ZNF273: variants seen among roughly 807,000 people sequenced by gnomAD.
ZNF273 encodes the protein zinc finger protein 273, also known as zinc finger protein 9.
Under a neutral mutation model 14.9 loss-of-function variants are expected in ZNF273, and 11 were observed. The ratio of observed to expected loss-of-function variants is 0.74; its 90% CI spans 0.46 to 1.22. The LOEUF is 1.22. Among genes scored for constraint, ZNF273 ranks in the 50% most tolerant of loss-of-function variants. The probability of loss-of-function intolerance (pLI) is 0.00; values close to 1 mark genes in which losing one functional copy is unlikely to be tolerated. For synonymous variants in ZNF273, 199 were observed against 223.9 expected (o/e 0.89, Z 0.99); for missense variants, 577 against 660.6 (o/e 0.87, Z 1.39).
chr7:64,893,032 C>G (rs1339822866), downstream of ZNF273, among the ~76,000 whole-genome samples: 1 of 152,174 alleles, frequency 6.6e-6, no homozygotes, highest in Non-Finnish European at 1.5e-5. Context: ...GGCACAGCTG[C>G]CGGCATTCAC....
intron 1 of ZNF273, among the ~76,000 whole-genome samples, chr7:64,887,946 G>A (rs533248235): frequency 1.3e-5 from 2 of 152,192 alleles, no homozygotes; most frequent in South Asian, 4.2e-4. Flanking sequence ...ATCCTGATGG[G>A]GGAAGCAGGA....
chr7:64,906,331 CTG>C (rs1415484024), intron 1 of ZNF273, among the ~76,000 whole-genome samples: 1 of 152,094 alleles, frequency 6.6e-6, no homozygotes. Context: ...TCCCATATGA[CTG>C]TTTACTACAT....
intron 2 of ZNF273, among the ~76,000 whole-genome samples, chr7:64,878,971 C>T (rs10274861): frequency 0.055 from 8,378 of 152,288 alleles, 275 homozygotes; most frequent in Middle Eastern, 0.085. Flanking sequence ...ACTGTTGGAA[C>T]GGTGGATTCC....
At chr7:64,911,970 A>G (rs1284783534) in intron 1 of ZNF273, among the ~76,000 whole-genome samples, 3 of 152,118 alleles carry the variant, frequency 2.0e-5, no homozygotes, top group Admixed American at 2.0e-4. Context: ...TTCCTGTCTC[A>G]ATTCCATTAT....
At chr7:64,880,688 G>A (rs550665930), downstream of ZNF273, among the ~76,000 whole-genome samples, 5 of 152,048 alleles carry the variant, frequency 3.3e-5, 1 homozygote, top group South Asian at 1.0e-3. Context: ...CTATAAATTG[G>A]CGGGCTAGCT....
chr7:64,903,470 A>T, intron 1 of ZNF273, 51 bp downstream of exon 1: 1 of 1,538,922 alleles, frequency 6.5e-7, no homozygotes. Flanking sequence ...CCTGGTTGGA[A>T]CTGGTGGGAA....
At chr7:64,926,964 A>G (rs1307109810) in intron 3 of ZNF273, among the ~76,000 whole-genome samples, 1 of 152,186 alleles carries the variant, frequency 6.6e-6, no homozygotes, top group Non-Finnish European at 1.5e-5. Flanking sequence ...TCCATAGTAT[A>G]TCACCATTTC....
chr7:64,880,618 C>T (rs1467383962), downstream of ZNF273, among the ~76,000 whole-genome samples: 1 of 151,908 alleles, frequency 6.6e-6, no homozygotes, highest in Non-Finnish European at 1.5e-5. Flanking sequence ...CCTCTCTGTG[C>T]GAAAGGGCTT....
At chr7:64,915,087 G>A (rs1164131080) in intron 1 of ZNF273, among the ~76,000 whole-genome samples, 1 of 152,110 alleles carries the variant, frequency 6.6e-6, no homozygotes, top group Non-Finnish European at 1.5e-5. Context: ...TCTCATGATA[G>A]TCAAGCATCT....
Position 64,928,222 on chromosome 7 carries a change from CT to C in ZNF273, c.897del (p.Phe299LeufsTer12). 6.2e-7 allele frequency: 1 copy of C among 1,613,198 alleles called. No homozygotes were observed. Among genetic ancestry groups the C allele is most frequent in the Non-Finnish European group, 8.5e-7 (1 of 1,179,720 alleles). ...PYKCEDCGKV[F>X]SVFSVLTKHK... ...ACAAATGTGAAGATTGTGGCAAAGT[CT>C]TTAGTGTATTTTCAGTCCTTACTAA... On this transcript the variant is annotated frameshift_variant, in exon 4 of 4. Coordinates refer to ENST00000476120, the MANE Select transcript of ZNF273 (RefSeq NM_021148.3). LOFTEE classifies it low-confidence loss of function (END_TRUNC).
At chr7:64,877,975 T>C (rs1267490913) in intron 1 of ZNF273, 1 of 152,310 alleles carries the variant, frequency 6.6e-6, no homozygotes, top group African/African-American at 2.4e-5. Flanking sequence ...TGTGTGTTTC[T>C]GTGGGAGTGT....
In ZNF273 at chr7:64,878,110, T is replaced by C. The variant is rs77617608; in HGVS notation, n.215+236T>C. Among the ~76,000 whole-genome samples, 1,397 of 152,268 alleles carry C rather than the reference T, an allele frequency of 9.2e-3. 15 individuals carry two copies. The highest frequency in any genetic ancestry group is 0.032 in the African/African-American group (1,327 of 41,542). ...TCACGTGGCTCACGCACTGGAACGC[T>C]TGTTCTTTTGAGTCGGCTGACCTTT... On this transcript the variant is annotated intron_variant and non_coding_transcript_variant, in intron 1 of 2. Transcript: ENST00000465954.
In ZNF273 at chr7:64,928,917, C is replaced by T. The variant is rs376332662; in HGVS notation, c.1589C>T (p.Thr530Ile). Residue 530 changes from threonine (T) to isoleucine (I), a missense_variant, in exon 4 of 4, where the codon ACT (threonine) becomes ATT (isoleucine). This residue lies in a region of ZNF273 where 411 missense variants were observed against 440.4 expected (regional missense o/e 0.93). Transcript: ENST00000476120. ...GCTTTTAACCGGTCCTCAAACCTTA[C>T]TCGACATAAGAAAATTCATACTGGA... ...GKAFNRSSNL[T>I]RHKKIHTGEK... is the part of the protein sequence containing the mutation. 2.5e-6 allele frequency: 4 copies of T among 1,613,816 alleles called. No homozygotes were observed. In the African/African-American group the frequency reaches 5.3e-5, roughly 22 times the overall value.
chr7:64,917,545 T>G, intron 1 of ZNF273, 36 bp from the exon 2 acceptor site: 1 of 1,575,186 alleles, frequency 6.3e-7, no homozygotes, highest in Middle Eastern at 1.7e-4. Flanking sequence ...CCAGAGCAAG[T>G]TGGTAAATAT....
At chr7:64,921,604 G>GTTTTTTTT (rs1562963033) in intron 3 of ZNF273, among the ~76,000 whole-genome samples, 1 of 54,098 alleles carries the variant, frequency 1.8e-5, no homozygotes, top group African/African-American at 6.3e-5. Flanking sequence ...TCATGCTAAT[G>GTTTTTTTT]CTTTTTTTTT....
At position 64,928,882 on chromosome 7, in the gene ZNF273, A is replaced by G. The variant is rs754877645; in HGVS notation, c.1554A>G (p.Glu518=). 20 of 1,613,912 alleles carry G rather than the reference A, an allele frequency of 1.2e-5. No individual in the cohort carries two copies. Among genetic ancestry groups the G allele is most frequent in the Non-Finnish European group, 1.6e-5 (19 of 1,179,946 alleles). The change falls in exon 4 of 4, where the codon GAA becomes GAG. Residue 518 remains glutamate (E), a synonymous_variant. Coordinates refer to ENST00000476120, the MANE Select transcript of ZNF273 (RefSeq NM_021148.3). Reference sequence around the variant, plus strand: ...GAGAGAAGCCCTACAAATGTGAAGAATGTGGCAAAGCTTTTAACCGGTCCT... The same window carrying G: ...GAGAGAAGCCCTACAAATGTGAAGAGTGTGGCAAAGCTTTTAACCGGTCCT... ...HTGEKPYKCE[E]CGKAFNRSSN...
At chr7:64,907,777 T>A (rs763970101) in intron 1 of ZNF273, among the ~76,000 whole-genome samples, 7 of 152,156 alleles carry the variant, frequency 4.6e-5, no homozygotes, top group Non-Finnish European at 1.0e-4. Context: ...AATGGGAGGC[T>A]CTGCTCTCCT....
downstream of ZNF273, chr7:64,894,043 C>G (rs1583968768): frequency 6.6e-6 from 1 of 152,240 alleles, no homozygotes; most frequent in Middle Eastern, 3.4e-3. Context: ...CTTGCTCTGT[C>G]GCCCAGGCTG....
chr7:64,909,766 G>A (rs1343258664), intron 1 of ZNF273, among the ~76,000 whole-genome samples: 3 of 151,752 alleles, frequency 2.0e-5, no homozygotes, highest in African/African-American at 7.3e-5. Flanking sequence ...TTTCACAGTG[G>A]TTGAACTAAT....
Sources: allele counts gnomAD v4.1 joint callset (sites outside exome capture counted in the v4.1 genomes callset), GRCh38; gene constraint gnomAD v4.1.1; regional missense constraint gnomAD v4.1.1; transcripts MANE v1.5; gene names NCBI Gene and HGNC (gene_info 2026-07-23, HGNC 2026-07-21).